Variants in ZBBX observed in about 807,000 individuals in gnomAD.
The protein encoded by ZBBX is zinc finger B-box domain containing.
A neutral mutation model predicts 108.5 loss-of-function variants in ZBBX; 101 were observed. That is an observed-to-expected ratio of 0.93 (90% confidence interval 0.79 to 1.10). The LOEUF (loss-of-function observed/expected upper bound fraction) is 1.10. ZBBX is among the 50% of genes least tolerant of loss of function. ZBBX has a pLI of 0.00. For missense variants in ZBBX, 1,009 were observed against 941.4 expected (o/e 1.07, Z -0.94); for synonymous variants, 356 against 323.4 (o/e 1.10, Z -1.08).
chr3:167,235,321 A>G (rs535405645), downstream of ZBBX, among the ~76,000 whole-genome samples: 1 of 151,684 alleles, frequency 6.6e-6, no homozygotes, highest in Non-Finnish European at 1.5e-5. Context: ...TAGAATGAAT[A>G]ACAACAAAAT....
At chr3:167,319,212 T>C (rs1248833537) in intron 12 of ZBBX, among the ~76,000 whole-genome samples, 1 of 152,030 alleles carries the variant, frequency 6.6e-6, no homozygotes, top group Non-Finnish European at 1.5e-5. Context: ...AGAACAAATA[T>C]TGATTCATAC....
the ZBBX span, among the ~76,000 whole-genome samples, chr3:167,215,951 A>G: frequency 3.7e-4 from 56 of 152,332 alleles, no homozygotes; most frequent in Non-Finnish European, 3.8e-4. Flanking sequence ...AAAAACTCTC[A>G]ATAAACTAGG....
chr3:167,234,078 T>C, the ZBBX span, among the ~76,000 whole-genome samples: 448 of 151,968 alleles, frequency 2.9e-3, 15 homozygotes, highest in Non-Finnish European at 6.5e-4. Context: ...TAGAATTCAG[T>C]TGGAAAGCAA....
chr3:167,397,755 T>A (rs770385283), intron 1 of ZBBX, among the ~76,000 whole-genome samples: 6 of 151,818 alleles, frequency 4.0e-5, no homozygotes, highest in Non-Finnish European at 7.4e-5. Context: ...TGAAATGGCT[T>A]TGCCTTTCAA....
the ZBBX span, among the ~76,000 whole-genome samples, chr3:167,182,115 C>G: frequency 2.6e-5 from 4 of 152,158 alleles, no homozygotes; most frequent in Non-Finnish European, 1.5e-5. Context: ...GGCAGCCTGA[C>G]TCGCTGATTT....
Position 167,244,543 on chromosome 3 carries a change from G to A in ZBBX, c.2255-1900C>T, listed in dbSNP as rs117155728. ...TATTTATTCTCAAAATTATATTTCA[G>A]AATACCTGTAAAGTTAACAGGAACA... is the stretch of plus-strand genomic sequence containing the variant. On this transcript the variant is annotated intron_variant, in intron 20 of 21. Transcript: ENST00000675490. Among the ~76,000 whole-genome samples, 37 of 152,272 alleles carry A rather than the reference G, an allele frequency of 2.4e-4. No homozygotes were observed. The East Asian group carries it at 6.6e-3, about 27-fold the overall frequency.
the ZBBX span, among the ~76,000 whole-genome samples, chr3:167,215,304 C>G: frequency 1.3e-5 from 2 of 152,022 alleles, no homozygotes; most frequent in African/African-American, 4.8e-5. Context: ...TGTGTTGCTA[C>G]TGACCCCATA....
chr3:167,386,158 AG>A lies in ZBBX; in HGVS notation c.-445-5754del, dbSNP rs556349681. Among the ~76,000 whole-genome samples the A allele has an allele frequency of 1.7e-3, 266 of 152,218 alleles. No individual in the cohort carries two copies. The Middle Eastern group carries it at 0.024, about 14-fold the overall frequency. On this transcript the variant is annotated intron_variant, in intron 1 of 21. Transcript: ENST00000455345. ...GAAAGAAAGGATAAAAGGTAAAAAA[AG>A]AAAAAATAAAGGATGGAAGTAGAGG... is the stretch of plus-strand genomic sequence containing the variant.
intron 8 of ZBBX, among the ~76,000 whole-genome samples, chr3:167,351,951 A>G (rs921545366): frequency 5.9e-5 from 9 of 152,066 alleles, no homozygotes; most frequent in African/African-American, 1.9e-4. Flanking sequence ...CTGGCCCACA[A>G]CATAGCCATC....
chr3:167,394,738 C>A (rs1005069114), intron 1 of ZBBX, among the ~76,000 whole-genome samples: 2 of 151,946 alleles, frequency 1.3e-5, no homozygotes, highest in Non-Finnish European at 2.9e-5. Context: ...AAGGTTTATT[C>A]CTGCATGCAG....
chr3:167,238,191 A>G (rs1720307665), downstream of ZBBX, among the ~76,000 whole-genome samples: 1 of 151,968 alleles, frequency 6.6e-6, no homozygotes. Flanking sequence ...TAGATACTAA[A>G]ATTCAGAAAG....
intron 8 of ZBBX, among the ~76,000 whole-genome samples, chr3:167,358,435 A>T (rs1443921315): frequency 6.6e-6 from 1 of 152,086 alleles, no homozygotes; most frequent in Non-Finnish European, 1.5e-5. Context: ...CAAGATGAAA[A>T]CAGTTCTGTG....
At chr3:167,311,095 G>T (rs1242628526) in intron 16 of ZBBX, among the ~76,000 whole-genome samples, 1 of 152,042 alleles carries the variant, frequency 6.6e-6, no homozygotes, top group Non-Finnish European at 1.5e-5. Context: ...TGTGGTATTG[G>T]AATAAATGTA....
intron 20 of ZBBX, among the ~76,000 whole-genome samples, chr3:167,250,860 T>A (rs1377767928): frequency 6.6e-6 from 1 of 152,126 alleles, no homozygotes; most frequent in Non-Finnish European, 1.5e-5. Flanking sequence ...CATGCCCAAA[T>A]GTTGCATTTT....
chr3:167,232,649 T>C, the ZBBX span, among the ~76,000 whole-genome samples: 5 of 151,856 alleles, frequency 3.3e-5, no homozygotes, highest in Non-Finnish European at 7.4e-5. Context: ...TCTCATAGAA[T>C]GCTTTGCCTA....
intron 9 of ZBBX, among the ~76,000 whole-genome samples, chr3:167,338,615 T>C (rs1165871162): frequency 1.3e-5 from 2 of 152,068 alleles, no homozygotes. Flanking sequence ...AATGAGAATG[T>C]CTCCTTTCCT....
chr3:167,282,600 G>A (rs911268602), intron 19 of ZBBX, 105 bp from the exon 20 acceptor site: 96 of 956,150 alleles, frequency 1.0e-4, no homozygotes, highest in Non-Finnish European at 1.3e-4. Flanking sequence ...TTAAGTTCAT[G>A]TAACAGAGTT....
At chr3:167,234,398 G>A in the ZBBX span, among the ~76,000 whole-genome samples, 1 of 151,852 alleles carries the variant, frequency 6.6e-6, no homozygotes, top group Non-Finnish European at 1.5e-5. Context: ...TTAGCCCAAA[G>A]ACTGAATTTT....
chr3:167,201,958 G>A, the ZBBX span, among the ~76,000 whole-genome samples: 1 of 151,962 alleles, frequency 6.6e-6, no homozygotes, highest in East Asian at 1.9e-4. Context: ...TTAAATGATC[G>A]ACATAGTTCT....
Sources: gnomAD v4.1 joint callset for allele counts (sites outside exome capture counted in the v4.1 genomes callset) on GRCh38, gnomAD v4.1.1 for gene constraint, MANE v1.5 for transcripts, NCBI Gene and HGNC (gene_info 2026-07-23, HGNC 2026-07-21) for gene names.